FHOD3: variants seen among roughly 807,000 people sequenced by gnomAD.
FHOD3 encodes the protein FH1/FH2 domain-containing protein 3.
FHOD3 carries 90 observed loss-of-function variants against 173.0 expected under a neutral mutation model. That is an observed-to-expected ratio of 0.52 (90% CI 0.44 to 0.62). The LOEUF is 0.62. FHOD3 is among the 20% of genes least tolerant of loss of function. FHOD3 has a pLI of 0.00. For missense variants in FHOD3, 1,945 were observed against 2,034.7 expected (o/e 0.96, Z 0.85); for synonymous variants, 828 against 823.0 (o/e 1.01, Z -0.10).
At chr18:36,400,660 G>A (rs2048762205) in intron 3 of FHOD3, among the ~76,000 whole-genome samples, 2 of 152,220 alleles carry the variant, frequency 1.3e-5, no homozygotes, top group Admixed American at 1.3e-4. Context: ...GACCAAGAGG[G>A]TGGAGTTCTT....
intron 2 of FHOD3, among the ~76,000 whole-genome samples, chr18:36,364,370 T>TCTTACCATCTCATCTGTATCTC (rs2046785320): frequency 6.6e-6 from 1 of 152,140 alleles, no homozygotes; most frequent in African/African-American, 2.4e-5. Context: ...TCTCAGCCCC[T>TCTTACCATCTCATCTGTATCTC]AGAAAGAAGG....
chr18:36,626,623 A>T (rs1483835520), intron 10 of FHOD3, among the ~76,000 whole-genome samples: 2 of 152,264 alleles, frequency 1.3e-5, no homozygotes, highest in East Asian at 1.9e-4. Context: ...GGGCTGACTA[A>T]CACATTCCCA....
At chr18:36,547,791 C>T (rs1025645722) in intron 5 of FHOD3, among the ~76,000 whole-genome samples, 35 of 152,174 alleles carry the variant, frequency 2.3e-4, no homozygotes, top group African/African-American at 8.4e-4. Flanking sequence ...CACTGTGAGG[C>T]GCCTGGGTAG....
At chr18:36,575,128 A>ACC (rs2058601322) in intron 5 of FHOD3, among the ~76,000 whole-genome samples, 1 of 151,884 alleles carries the variant, frequency 6.6e-6, no homozygotes, top group Non-Finnish European at 1.5e-5. Flanking sequence ...GCACCACCAC[A>ACC]CCCATCTAAT....
chr18:36,355,042 A>G (rs1453687916), intron 1 of FHOD3, among the ~76,000 whole-genome samples: 1 of 152,162 alleles, frequency 6.6e-6, no homozygotes, highest in Non-Finnish European at 1.5e-5. Context: ...TTTCAGTTCA[A>G]TTGTAAAAAT....
intron 27 of FHOD3, 129 bp downstream of exon 27, chr18:36,760,911 C>T (rs555406730): frequency 3.4e-6 from 3 of 887,858 alleles, no homozygotes; most frequent in Admixed American, 6.0e-5. Context: ...CCTAACCACA[C>T]ACATTCCCTC....
At chr18:36,755,533 G>A (rs567618608) in intron 25 of FHOD3, among the ~76,000 whole-genome samples, 8 of 151,098 alleles carry the variant, frequency 5.3e-5, no homozygotes, top group African/African-American at 1.2e-4. Context: ...AGTTCAGAAC[G>A]TGTGGCTAGA....
intron 1 of FHOD3, among the ~76,000 whole-genome samples, chr18:36,324,511 A>G (rs954149111): frequency 1.3e-5 from 2 of 152,230 alleles, no homozygotes; most frequent in Admixed American, 6.5e-5. Context: ...TAAAGGACTC[A>G]TATTCAAAAT....
At position 36,718,236 on chromosome 18, in the gene FHOD3, T is replaced by C; in HGVS notation, c.2938T>C (p.Trp980Arg). The C allele has an allele frequency of 6.2e-7, 1 of 1,614,164 alleles. No homozygotes were observed. Among genetic ancestry groups the C allele is most frequent in the Non-Finnish European group, 8.5e-7 (1 of 1,180,010 alleles). ...VQPKTESDYI[W>R]DQLMANPREL... ...GCCGAAGACAGAGTCTGATTACATC[T>C]GGGACCAGCTCATGGCCAATCCAAG... is the stretch of plus-strand genomic sequence containing the variant. Residue 980 changes from tryptophan (W) to arginine (R), a missense_variant, in exon 19 of 29, where the codon TGG (tryptophan) becomes CGG (arginine). By Grantham distance (101) the Trp-to-Arg change is moderately radical (BLOSUM62 -3). Transcript: ENST00000590592.
chr18:36,412,813 A>G (rs941915637), intron 3 of FHOD3, among the ~76,000 whole-genome samples: 1 of 152,244 alleles, frequency 6.6e-6, no homozygotes, highest in African/African-American at 2.4e-5. Context: ...ATAATGAAGA[A>G]TGAATGATAA....
At position 36,700,561 on chromosome 18, in the gene FHOD3, C is replaced by T. The variant is rs1356782309; in HGVS notation, c.2236+7138C>T. Among the ~76,000 whole-genome samples the T allele has an allele frequency of 3.3e-5, 5 of 152,290 alleles. No individual in the cohort carries two copies. In the East Asian group the frequency reaches 7.7e-4, roughly 23 times the overall value. ...CTCAAATCAGCCCTCTTTCTTTTCT[C>T]TTCATTGCCATTGCGTTAGTCCTGG... On this transcript the variant is annotated intron_variant, in intron 17 of 28. Coordinates refer to ENST00000590592, the MANE Select transcript of FHOD3 (RefSeq NM_001281740.3).
At chr18:36,708,359 A>G (rs147014351) in intron 17 of FHOD3, among the ~76,000 whole-genome samples, 6 of 152,350 alleles carry the variant, frequency 3.9e-5, no homozygotes, top group Non-Finnish European at 8.8e-5. Flanking sequence ...GCTGTTTTTC[A>G]TCAGCTTGAT....
chr18:36,680,740 T>C (rs905845274), intron 14 of FHOD3, among the ~76,000 whole-genome samples: 1 of 152,246 alleles, frequency 6.6e-6, no homozygotes, highest in Non-Finnish European at 1.5e-5. Context: ...CTTCTTGACA[T>C]AGAATGTCAT....
chr18:36,641,160 T>C (rs2035278745), intron 10 of FHOD3, among the ~76,000 whole-genome samples: 1 of 151,772 alleles, frequency 6.6e-6, no homozygotes, highest in Non-Finnish European at 1.5e-5. Context: ...TGGATGTCCC[T>C]TGGAGCCAGG....
chr18:36,545,774 TTGAAA>T (rs2057387480), intron 5 of FHOD3, among the ~76,000 whole-genome samples: 1 of 152,208 alleles, frequency 6.6e-6, no homozygotes, highest in South Asian at 2.1e-4. Context: ...TAAGTAGGAA[TTGAAA>T]TGAACTGTTG....
chr18:36,709,303 C>A lies in FHOD3; in HGVS notation c.2445C>A (p.Asp815Glu). 6.2e-7 allele frequency: 1 copy of A among 1,614,252 alleles called. No homozygotes were observed. Residue 815 changes from aspartate (D) to glutamate (E), a missense_variant, in exon 18 of 29, where the codon GAC becomes GAA. This residue lies in a region of FHOD3 where 1,099 missense variants were observed against 1,051.2 expected (regional missense o/e 1.05). Coordinates refer to ENST00000590592, the MANE Select transcript of FHOD3 (RefSeq NM_001281740.3). Reference sequence around the variant, plus strand: ...AGAACGAGGGGGTGAACGAGAGGGACAACTGCTCTGCCTCCAGCGTCTCGT... The same window carrying A: ...AGAACGAGGGGGTGAACGAGAGGGAAAACTGCTCTGCCTCCAGCGTCTCGT... ...ERQNEGVNER[D>E]NCSASSVSSS...
intron 24 of FHOD3, among the ~76,000 whole-genome samples, chr18:36,748,385 ACAC>A (rs773332144): frequency 6.7e-5 from 6 of 89,930 alleles, no homozygotes; most frequent in Non-Finnish European, 1.4e-4. Flanking sequence ...CACACACAAC[ACAC>A]ACACACACAC....
chr18:36,766,334 G>A (rs1780442041), intron 27 of FHOD3, among the ~76,000 whole-genome samples: 1 of 152,130 alleles, frequency 6.6e-6, no homozygotes, highest in African/African-American at 2.4e-5. Context: ...ATTTCTATAA[G>A]GGGAAAAACA....
chr18:36,527,032 T>C (rs2056551536), intron 5 of FHOD3, among the ~76,000 whole-genome samples: 1 of 152,178 alleles, frequency 6.6e-6, no homozygotes, highest in Admixed American at 6.5e-5. Context: ...CAGTCAGTTT[T>C]CCCACCTTCT....
Sources: allele counts gnomAD v4.1 joint callset (sites outside exome capture counted in the v4.1 genomes callset), GRCh38; gene constraint gnomAD v4.1.1; regional missense constraint gnomAD v4.1.1; transcripts MANE v1.5; gene names NCBI Gene and HGNC (gene_info 2026-07-23, HGNC 2026-07-21).